The following LETM2 variants were observed in gnomAD, a reference collection of about 807,000 sequenced individuals.
The protein encoded by LETM2 is leucine zipper and EF-hand containing transmembrane protein 2.
Under a neutral mutation model 59.6 loss-of-function variants are expected in LETM2, and 58 were observed. That is an observed-to-expected ratio of 0.97 (90% CI 0.79 to 1.21). The LOEUF (loss-of-function observed/expected upper bound fraction) is 1.21, where lower values mean the gene tolerates loss of function less well. Ranked by LOEUF, LETM2 falls within the 50% of genes most tolerant of loss-of-function variation. LETM2 has a pLI of 0.00. For missense variants in LETM2, 572 were observed against 575.7 expected (o/e 0.99, Z 0.07); for synonymous variants, 199 against 214.1 (o/e 0.93, Z 0.62).
At chr8:38,407,507 C>G in intron 10 of LETM2, 44 bp downstream of exon 10, 14 of 1,274,910 alleles carry the variant, frequency 1.1e-5, no homozygotes, top group Non-Finnish European at 1.6e-5. Context: ...AGACCCTTTC[C>G]CTCTAGTTAT....
chr8:38,392,450 ACTAT>A, intron 2 of LETM2, 88 bp from the exon 3 acceptor site: 9 of 816,320 alleles, frequency 1.1e-5, no homozygotes, highest in East Asian at 2.4e-5. Context: ...GACCAGATGT[ACTAT>A]CTATTTCTTT....
In LETM2 at chr8:38,392,487, T is replaced by C. The variant is rs947138348; in HGVS notation, c.48-55T>C. The C allele has an allele frequency of 4.0e-6, 4 of 1,002,050 alleles. No individual in the cohort carries two copies. The African/African-American group carries it at 6.4e-5, about 16-fold the overall frequency. The allele number at this position is 1,002,050 out of a possible 1,614,324, so 62.1% of individuals were successfully genotyped here. On this transcript the variant is annotated intron_variant, in intron 2 of 10. Coordinates refer to ENST00000379957, the MANE Select transcript of LETM2 (RefSeq NM_001286819.2). ...TTTAATAATATGTGCTTTATGATAG[T>C]GTGTGCTTTGTAATAGTATGTACTT...
chr8:38,396,973 A>G (rs1812738436), intron 4 of LETM2: 1 of 383,790 alleles, frequency 2.6e-6, no homozygotes, highest in African/African-American at 2.2e-5. Flanking sequence ...CTAGTGGAAC[A>G]GTAGGTATGA....
intron 7 of LETM2, 108 bp from the exon 8 acceptor site, chr8:38,404,285 A>C (rs954326355): frequency 9.3e-6 from 7 of 748,784 alleles, no homozygotes; most frequent in Non-Finnish European, 1.6e-5. Context: ...GGCTTGGCGG[A>C]AAGGGCGGGG....
Position 38,393,004 on chromosome 8 carries a change from G to T in LETM2, c.501+9G>T, listed in dbSNP as rs369279712. On this transcript the variant is annotated intron_variant, in intron 3 of 10. Coordinates refer to ENST00000379957, the MANE Select transcript of LETM2 (RefSeq NM_001286819.2). ...GACGAGAGAGACGAAGGGTAGGCAAGAATCATATTTGAGAAAGAAAATGTG... is the reference window on the plus strand; with the variant it reads ...GACGAGAGAGACGAAGGGTAGGCAATAATCATATTTGAGAAAGAAAATGTG... 13 of 1,566,492 alleles carry T rather than the reference G, an allele frequency of 8.3e-6. No homozygotes were observed. Among genetic ancestry groups the T allele is most frequent in the African/African-American group, 1.4e-5 (1 of 73,072 alleles).
rs757697771 is a variant in LETM2 at position 38,402,613 on chromosome 8, C to T, written c.1073C>T (p.Thr358Met). The T allele has an allele frequency of 2.0e-5, 32 of 1,613,942 alleles. 1 individual carries two copies. The South Asian group carries it at 2.2e-4, about 11-fold the overall frequency. ...RARGMRSLGL[T>M]EEQLRQQLTE... ...CGAGGGATGAGATCACTGGGTCTCA[C>T]GGAGGAACAACTGCGACAACAGCTC... The change falls in exon 7 of 11, where the codon ACG becomes ATG. Residue 358 changes from threonine to methionine, a missense_variant. Physicochemically the swap from Thr to Met is moderately conservative, Grantham distance 81 (BLOSUM62 -1). Coordinates refer to ENST00000379957, the MANE Select transcript of LETM2 (RefSeq NM_001286819.2).
rs769590045 is a variant in LETM2, at chr8:38,408,314, G to A, written c.*40G>A. 16 of 1,561,332 alleles carry A rather than the reference G, an allele frequency of 1.0e-5. No homozygotes were observed. The highest frequency in any genetic ancestry group is 3.4e-5 in the Admixed American group (2 of 58,402). On this transcript the variant is annotated 3_prime_UTR_variant, in exon 11 of 11. Coordinates refer to ENST00000379957, the MANE Select transcript of LETM2 (RefSeq NM_001286819.2). ...ATGGAGCTCACTCTCTTCAGCTTCC[G>A]GCCCTCAACAGTGGCATCTGTAAAG...
Position 38,408,425 on chromosome 8 carries a change from C to T in LETM2, c.*151C>T. On this transcript the variant is annotated 3_prime_UTR_variant, in exon 11 of 11. Coordinates refer to ENST00000379957, the MANE Select transcript of LETM2 (RefSeq NM_001286819.2). ...AGTCCTTTGAGGCCTGGTAACCATTCCAGGTGATGTGGGTAGTGAGACCAA... is the reference window on the plus strand; with the variant it reads ...AGTCCTTTGAGGCCTGGTAACCATTTCAGGTGATGTGGGTAGTGAGACCAA... The T allele has an allele frequency of 4.7e-6, 3 of 635,912 alleles. No homozygotes were observed. The allele number at this position is 635,912 out of a possible 1,614,324, so 39.4% of individuals were successfully genotyped here. A position where few individuals can be genotyped will look rare whatever the true frequency, so the allele number is the denominator to read the frequency against.
chr8:38,395,132 C>T (rs946420717), intron 4 of LETM2, among the ~76,000 whole-genome samples: 3 of 152,192 alleles, frequency 2.0e-5, no homozygotes, highest in African/African-American at 7.2e-5. Flanking sequence ...TATGAAAGGA[C>T]ACCTCGATTG....
chr8:38,409,154 A>G lies in LETM2; in HGVS notation c.*880A>G, dbSNP rs1179475185. The G allele has an allele frequency of 1.3e-5, 2 of 152,344 alleles. No homozygotes were observed. Among genetic ancestry groups the G allele is most frequent in the East Asian group, 1.9e-4 (1 of 5,190 alleles). The allele number at this position is 152,344 out of a possible 1,614,324, so 9.4% of individuals were successfully genotyped here. ...GTTTTCAGTATTAATAATATGAAAT[A>G]ATAGATAGACTGCCATGCAGCTGAC... is the stretch of plus-strand genomic sequence containing the variant. On this transcript the variant is annotated 3_prime_UTR_variant, in exon 11 of 11. Coordinates refer to ENST00000379957, the MANE Select transcript of LETM2 (RefSeq NM_001286819.2).
intron 4 of LETM2, among the ~76,000 whole-genome samples, chr8:38,396,232 C>T (rs1031270166): frequency 6.6e-6 from 1 of 151,428 alleles, no homozygotes; most frequent in Non-Finnish European, 1.5e-5. Flanking sequence ...GGTGCGATCT[C>T]GGCTCCCTGC....
rs1813193416 is a variant in LETM2 at position 38,401,199 on chromosome 8, C to T, written c.984+146C>T. The T allele has an allele frequency of 1.2e-5, 8 of 666,480 alleles. No individual in the cohort carries two copies. The South Asian group carries it at 1.5e-4, about 13-fold the overall frequency. 41.3% of individuals were successfully genotyped at this position (666,480 alleles called of 1,614,324 possible). On this transcript the variant is annotated intron_variant, in intron 6 of 10. Transcript: ENST00000379957. ...CTCTGTCACCCAGGCTGCAGTGGCGCAATCCTGGCTTATTGCAACCTCCAC... is the reference window on the plus strand; with the variant it reads ...CTCTGTCACCCAGGCTGCAGTGGCGTAATCCTGGCTTATTGCAACCTCCAC...
chr8:38,390,985 A>AT (rs900384792), intron 2 of LETM2, among the ~76,000 whole-genome samples: 5 of 150,772 alleles, frequency 3.3e-5, no homozygotes, highest in African/African-American at 9.7e-5. Flanking sequence ...CTGGCGACAA[A>AT]TTTTTTTTGC....
intron 4 of LETM2, 117 bp from the exon 5 acceptor site, chr8:38,400,155 C>T (rs1813066220): frequency 6.9e-6 from 5 of 722,474 alleles, no homozygotes; most frequent in South Asian, 2.3e-5. Flanking sequence ...CTGAGAATCA[C>T]GTTATTACAT....
chr8:38,403,048 T>G (rs754965353), intron 7 of LETM2, among the ~76,000 whole-genome samples: 1 of 152,088 alleles, frequency 6.6e-6, no homozygotes, highest in Non-Finnish European at 1.5e-5. Flanking sequence ...CGGGCTACTC[T>G]CAGCATCTAG....
chr8:38,394,336 A>T (rs999452529), intron 4 of LETM2, 95 bp downstream of exon 4: 1 of 575,808 alleles, frequency 1.7e-6, no homozygotes. Context: ...ACTTCTCCCC[A>T]CCCAACCCCA....
upstream of LETM2, among the ~76,000 whole-genome samples, chr8:38,385,693 G>A (rs757578097): frequency 5.6e-4 from 86 of 152,220 alleles, no homozygotes; most frequent in Non-Finnish European, 7.9e-4. Context: ...ACCGCGCCCA[G>A]CCTAAATAAA....
At chr8:38,393,970 C>A in intron 3 of LETM2, 128 bp from the exon 4 acceptor site, 1 of 748,524 alleles carries the variant, frequency 1.3e-6, no homozygotes, top group Non-Finnish European at 2.0e-6. Context: ...GACTGGGCAA[C>A]ATAGTGAGAC....
intron 4 of LETM2, among the ~76,000 whole-genome samples, chr8:38,395,278 T>G (rs1812599222): frequency 6.6e-6 from 1 of 152,228 alleles, no homozygotes; most frequent in Non-Finnish European, 1.5e-5. Flanking sequence ...AGACTATGTT[T>G]AGCTTTTAAG....
Sources: gnomAD v4.1 joint callset for allele counts (sites outside exome capture counted in the v4.1 genomes callset) on GRCh38, gnomAD v4.1.1 for gene constraint, MANE v1.5 for transcripts, NCBI Gene and HGNC (gene_info 2026-07-23, HGNC 2026-07-21) for gene names.